Variants in MBTPS1 observed in about 807,000 individuals in gnomAD.
MBTPS1 encodes membrane bound transcription factor peptidase, site 1, also known as membrane-bound transcription factor site-1 protease.
A neutral mutation model predicts 127.8 loss-of-function variants in MBTPS1; 94 were observed. That is an observed-to-expected ratio of 0.74 (90% CI 0.62 to 0.87). The LOEUF is 0.87. Ranked by LOEUF, MBTPS1 falls within the 40% of genes least tolerant of loss-of-function variation. MBTPS1 has a pLI of 0.00. For synonymous variants in MBTPS1, 632 were observed against 509.4 expected, an observed-to-expected ratio of 1.24 and a Z score of -3.24; for missense variants, 1,636 against 1,353.2, an observed-to-expected ratio of 1.21 and a Z score of -3.28.
intron 20 of MBTPS1, 25 bp from the exon 21 acceptor site, chr16:84,059,453 A>T (rs1420950766): frequency 1.2e-6 from 2 of 1,600,570 alleles, no homozygotes; most frequent in African/African-American, 2.7e-5. Flanking sequence ...AACATCAACA[A>T]AAAGGAAAAT....
At position 84,053,785 on chromosome 16, in the gene MBTPS1, C is replaced by T. The variant is rs1182492312; in HGVS notation, c.*664G>A. 1 of 152,162 alleles carries T rather than the reference C, an allele frequency of 6.6e-6. No homozygotes were observed. Among genetic ancestry groups the T allele is most frequent in the Non-Finnish European group, 1.5e-5 (1 of 68,042 alleles). The allele number at this position is 152,162 out of a possible 1,614,324, so 9.4% of individuals were successfully genotyped here. On this transcript the variant is annotated 3_prime_UTR_variant, in exon 23 of 23. Transcript: ENST00000343411. ...ATCTTTAAGCTTCAGACGGGTAATA[C>T]ATATTTATTGAAAATTTTCTTCACC...
chr16:84,060,601 C>T lies in MBTPS1; in HGVS notation c.2704+81G>A, dbSNP rs959736479. 20 of 1,513,060 alleles carry T rather than the reference C, an allele frequency of 1.3e-5. No homozygotes were observed. The African/African-American group carries it at 1.8e-4, about 13-fold the overall frequency. The allele number at this position is 1,513,060 out of a possible 1,614,324, so 93.7% of individuals were successfully genotyped here. On this transcript the variant is annotated intron_variant, in intron 20 of 22. Coordinates refer to ENST00000343411, the MANE Select transcript of MBTPS1 (RefSeq NM_003791.4). The stretch of plus-strand genomic sequence containing the variant: ...CACACAAACTGGCCCCACTTGCTGG[C>T]AGGCACAGCCACTGGCTGAAGTAGC...
chr16:84,070,920 A>G, intron 12 of MBTPS1, 144 bp from the exon 13 acceptor site: 1 of 643,738 alleles, frequency 1.6e-6, no homozygotes, highest in South Asian at 2.1e-5. Context: ...ATACACAGAT[A>G]CTAAGTAACT....
At chr16:84,114,144 T>C (rs2086437104) in intron 1 of MBTPS1, among the ~76,000 whole-genome samples, 4 of 151,706 alleles carry the variant, frequency 2.6e-5, no homozygotes, top group African/African-American at 9.7e-5. Context: ...TTTTTGTATT[T>C]TAGAGACGGG....
At chr16:84,069,709 G>C (rs1037424784) in intron 14 of MBTPS1, among the ~76,000 whole-genome samples, 157 bp downstream of exon 14, 6 of 152,232 alleles carry the variant, frequency 3.9e-5, no homozygotes, top group Non-Finnish European at 7.3e-5. Flanking sequence ...AAGTCAGGCT[G>C]CCCTAAGTGC....
At chr16:84,085,217 A>G (rs1316893688) in intron 9 of MBTPS1, 83 bp from the exon 10 acceptor site, 2 of 1,356,166 alleles carry the variant, frequency 1.5e-6, no homozygotes, top group Non-Finnish European at 2.1e-6. Context: ...AAATCAGAAC[A>G]GAGATATGGG....
At chr16:84,058,338 G>A (rs1444082289) in intron 21 of MBTPS1, among the ~76,000 whole-genome samples, 3 of 152,212 alleles carry the variant, frequency 2.0e-5, no homozygotes, top group East Asian at 1.9e-4. Flanking sequence ...GGTGGCCTCC[G>A]TCCCTGGCCC....
At chr16:84,108,031 C>G (rs1429354771) in intron 1 of MBTPS1, among the ~76,000 whole-genome samples, 2 of 151,800 alleles carry the variant, frequency 1.3e-5, no homozygotes, top group Non-Finnish European at 2.9e-5. Flanking sequence ...CTTGTCCCCA[C>G]AGACTCACTA....
At position 84,077,636 on chromosome 16, in the gene MBTPS1, C is replaced by T. The variant is rs145250051; in HGVS notation, c.1449-2895G>A. Among the ~76,000 whole-genome samples, 165 of 152,268 alleles carry T rather than the reference C, an allele frequency of 1.1e-3. 4 individuals carry two copies. In the East Asian group the frequency reaches 0.029, roughly 27 times the overall value. ...TTTCAAGTAAATAAAAGAAAGCAAA[C>T]AAATATTAGAAGAAAACACAGGTGA... On this transcript the variant is annotated intron_variant, in intron 11 of 22. Coordinates refer to ENST00000343411, the MANE Select transcript of MBTPS1 (RefSeq NM_003791.4).
At chr16:84,067,327 C>T (rs932958533) in intron 16 of MBTPS1, among the ~76,000 whole-genome samples, 2 of 152,122 alleles carry the variant, frequency 1.3e-5, no homozygotes, top group Admixed American at 1.3e-4. Context: ...AACCTCTCTA[C>T]TGTATAAAGG....
rs1203957762 is a variant in MBTPS1, at chr16:84,097,758, G to C, written c.421+1295C>G. Among the ~76,000 whole-genome samples, 6 of 152,006 alleles carry C rather than the reference G, an allele frequency of 3.9e-5. No individual in the cohort carries two copies. The East Asian group carries it at 1.2e-3, about 29-fold the overall frequency. Reference sequence around the variant, plus strand: ...TTAAGGAGAATAATACATAACATCTGGAGTAGCAGAAAAGGCTCTGAAAAA... The same window carrying C: ...TTAAGGAGAATAATACATAACATCTCGAGTAGCAGAAAAGGCTCTGAAAAA... On this transcript the variant is annotated intron_variant, in intron 3 of 22. Coordinates refer to ENST00000343411, the MANE Select transcript of MBTPS1 (RefSeq NM_003791.4).
intron 10 of MBTPS1, among the ~76,000 whole-genome samples, chr16:84,082,336 G>A (rs755649371): frequency 1.2e-4 from 18 of 152,170 alleles, no homozygotes; most frequent in Non-Finnish European, 2.4e-4. Context: ...CACAGGACTA[G>A]CAGGAGGCAC....
chr16:84,101,557 T>A, intron 2 of MBTPS1, 64 bp downstream of exon 2: 1 of 1,402,256 alleles, frequency 7.1e-7, no homozygotes, highest in Non-Finnish European at 9.8e-7. Flanking sequence ...ATAGCTAATT[T>A]TATATTAAGT....
At chr16:84,074,161 A>C (rs2085816083) in intron 12 of MBTPS1, among the ~76,000 whole-genome samples, 1 of 152,174 alleles carries the variant, frequency 6.6e-6, no homozygotes, top group Non-Finnish European at 1.5e-5. Flanking sequence ...TTATACCCTG[A>C]CTTATTCTGT....
chr16:84,065,777 A>T lies in MBTPS1; in HGVS notation c.2354-10T>A, dbSNP rs1238303167. 1 of 1,549,842 alleles carries T rather than the reference A, an allele frequency of 6.5e-7. No individual in the cohort carries two copies. The highest frequency in any genetic ancestry group is 8.7e-7 in the Non-Finnish European group (1 of 1,148,462). On this transcript the variant is annotated splice_polypyrimidine_tract_variant and intron_variant, in intron 17 of 22. Coordinates refer to ENST00000343411, the MANE Select transcript of MBTPS1 (RefSeq NM_003791.4). ...CCTGACGCATAATACACTAGGAAAG[A>T]GTGTTCAAAGTCAAGGGAACACAGG... is the stretch of plus-strand genomic sequence containing the variant.
At chr16:84,082,695 T>A (rs1055170720) in intron 10 of MBTPS1, among the ~76,000 whole-genome samples, 1 of 152,144 alleles carries the variant, frequency 6.6e-6, no homozygotes, top group African/African-American at 2.4e-5. Context: ...TATGTGATGA[T>A]GTTTGGTGTT....
At chr16:84,090,999 C>CAAAAAA in intron 7 of MBTPS1, 57 bp from the exon 8 acceptor site, 2 of 767,840 alleles carry the variant, frequency 2.6e-6, no homozygotes, top group Non-Finnish European at 4.0e-6. Context: ...ATATAACTGT[C>CAAAAAA]AAAAAAAAAA....
At position 84,091,866 on chromosome 16, in the gene MBTPS1, C is replaced by G; in HGVS notation, c.847-18G>C. 2 of 1,359,026 alleles carry G rather than the reference C, an allele frequency of 1.5e-6. No homozygotes were observed. The highest frequency in any genetic ancestry group is 2.1e-6 in the Non-Finnish European group (2 of 946,936). 84.2% of individuals were successfully genotyped at this position (1,359,026 alleles called of 1,614,324 possible). The stretch of plus-strand genomic sequence containing the variant: ...TAAGATACCTAGTTAAATATTATAA[C>G]AGTCTGCTTAGTGTTTCAATCAAGT... On this transcript the variant is annotated intron_variant, in intron 6 of 22. Transcript: ENST00000343411.
At chr16:84,062,059 T>C (rs1474218764) in intron 19 of MBTPS1, among the ~76,000 whole-genome samples, 1 of 152,222 alleles carries the variant, frequency 6.6e-6, no homozygotes, top group African/African-American at 2.4e-5. Context: ...AAAATCTCTG[T>C]GGAAATAAAA....
Sources: gnomAD v4.1 joint callset for allele counts (sites outside exome capture counted in the v4.1 genomes callset) on GRCh38, gnomAD v4.1.1 for gene constraint, MANE v1.5 for transcripts, NCBI Gene and HGNC (gene_info 2026-07-23, HGNC 2026-07-21) for gene names.